The following CNTN5 variants were observed in gnomAD, a reference collection of about 807,000 sequenced individuals.
The protein encoded by CNTN5 is contactin 5.
In CNTN5, 77 loss-of-function variants were observed where a neutral mutation model predicts 129.1. That is an observed-to-expected ratio of 0.60 (90% CI 0.50 to 0.72). The LOEUF (loss-of-function observed/expected upper bound fraction) is 0.72, where lower values mean the gene tolerates loss of function less well. CNTN5 is among the 30% of genes least tolerant of loss of function. CNTN5 has a pLI of 0.00. For synonymous variants in CNTN5, 509 were observed against 465.6 expected, an observed-to-expected ratio of 1.09 and a Z score of -1.20; for missense variants, 1,478 against 1,328.8, an observed-to-expected ratio of 1.11 and a Z score of -1.75.
chr11:99,679,216 A>G (rs1482394974), intron 3 of CNTN5, among the ~76,000 whole-genome samples: 2 of 148,742 alleles, frequency 1.3e-5, no homozygotes, highest in Non-Finnish European at 3.0e-5. Flanking sequence ...ATATATAAAG[A>G]GATTATATGT....
intron 7 of CNTN5, among the ~76,000 whole-genome samples, chr11:99,953,283 G>C (rs757102264): frequency 5.3e-5 from 8 of 152,128 alleles, no homozygotes; most frequent in African/African-American, 9.7e-5. Flanking sequence ...TTTTAGGGGA[G>C]CAAAGAGAAG....
At position 99,443,571 on chromosome 11, in the gene CNTN5, T is replaced by G. The variant is rs1280056512; in HGVS notation, c.-70-112574T>G. Among the ~76,000 whole-genome samples, 4 of 152,196 alleles carry G rather than the reference T, an allele frequency of 2.6e-5. 1 individual carries two copies. Among genetic ancestry groups the G allele is most frequent in the Admixed American group, 1.3e-4 (2 of 15,280 alleles). ...TCATTTGTAAAAGGCTTCAAAATTA[T>G]GAATTCATAAATATTTAATAGCAAT... On this transcript the variant is annotated intron_variant, in intron 2 of 24. Transcript: ENST00000524871.
chr11:99,844,782 GA>G, intron 4 of CNTN5, 69 bp from the exon 5 acceptor site: 5 of 1,464,610 alleles, frequency 3.4e-6, no homozygotes, highest in Non-Finnish European at 4.6e-6. Context: ...AAGTAAGATG[GA>G]AAAGAAAAAA....
chr11:99,442,637 G>A (rs1943884133), intron 2 of CNTN5, among the ~76,000 whole-genome samples: 1 of 152,180 alleles, frequency 6.6e-6, no homozygotes. Flanking sequence ...GCATGAATAT[G>A]TCTGTGACTC....
chr11:99,458,370 T>A (rs1287748320), intron 2 of CNTN5, among the ~76,000 whole-genome samples: 1 of 151,948 alleles, frequency 6.6e-6, no homozygotes, highest in African/African-American at 2.4e-5. Context: ...CAAAAGTCAT[T>A]TTTAGTAATC....
At chr11:99,693,205 T>C (rs1351634363) in intron 3 of CNTN5, among the ~76,000 whole-genome samples, 1 of 152,174 alleles carries the variant, frequency 6.6e-6, no homozygotes, top group African/African-American at 2.4e-5. Context: ...TTTCAGTACC[T>C]GTGTGCACAG....
chr11:99,438,455 C>T (rs950578348), intron 2 of CNTN5, among the ~76,000 whole-genome samples: 1 of 152,140 alleles, frequency 6.6e-6, no homozygotes, highest in Non-Finnish European at 1.5e-5. Flanking sequence ...TGGTCTCTTA[C>T]ACAATTTTAG....
intron 3 of CNTN5, among the ~76,000 whole-genome samples, chr11:99,565,527 T>C (rs1161751275): frequency 6.6e-6 from 1 of 152,192 alleles, no homozygotes; most frequent in Non-Finnish European, 1.5e-5. Context: ...TGTTGCCATC[T>C]GCCCCAGAGC....
rs369047800 is a variant in CNTN5 at position 99,799,367 on chromosome 11, A to G, written c.56-20177A>G. Among the ~76,000 whole-genome samples, 30 of 151,914 alleles carry G rather than the reference A, an allele frequency of 2.0e-4. No homozygotes were observed. In the East Asian group the frequency reaches 3.3e-3, roughly 17 times the overall value. On this transcript the variant is annotated intron_variant, in intron 3 of 24. Coordinates refer to ENST00000524871, the MANE Select transcript of CNTN5 (RefSeq NM_014361.4). ...TGCTTCTAGTTTTTGGCTGTTCAGTATGGTGTTAGCTGTAGGTTTGTCATA... is the reference window on the plus strand; with the variant it reads ...TGCTTCTAGTTTTTGGCTGTTCAGTGTGGTGTTAGCTGTAGGTTTGTCATA...
intron 3 of CNTN5, among the ~76,000 whole-genome samples, chr11:99,624,468 G>A (rs1031338575): frequency 3.3e-5 from 5 of 152,090 alleles, no homozygotes; most frequent in Admixed American, 3.3e-4. Flanking sequence ...TAATGTTTGA[G>A]TTTCTAGGTA....
rs151075415 is a variant in CNTN5, at chr11:100,060,116, A to G, written c.981-1096A>G. On this transcript the variant is annotated intron_variant, in intron 9 of 24. Coordinates refer to ENST00000524871, the MANE Select transcript of CNTN5 (RefSeq NM_014361.4). ...TCCCAGCTACTTGGGAAACTGAGGC[A>G]GGAGAATTGCTTCCGAGAGGTGCAG... Among the ~76,000 whole-genome samples the G allele has an allele frequency of 8.1e-3, 1,234 of 151,990 alleles. 13 individuals are homozygous for G. Among genetic ancestry groups the G allele is most frequent in the African/African-American group, 0.025 (1,045 of 41,464 alleles).
intron 1 of CNTN5, among the ~76,000 whole-genome samples, chr11:99,246,020 A>G (rs1341216029): frequency 1.3e-5 from 2 of 152,176 alleles, no homozygotes; most frequent in Non-Finnish European, 2.9e-5. Context: ...AAGCAGTGAC[A>G]TGAACTTATG....
At chr11:100,112,317 C>A (rs186705928) in intron 13 of CNTN5, among the ~76,000 whole-genome samples, 122 of 152,178 alleles carry the variant, frequency 8.0e-4, no homozygotes, top group Non-Finnish European at 1.4e-3. Context: ...GCAAAAAGTT[C>A]TCTGTTATTT....
chr11:99,179,552 A>T (rs558865454), intron 1 of CNTN5, among the ~76,000 whole-genome samples: 9 of 152,224 alleles, frequency 5.9e-5, no homozygotes, highest in Non-Finnish European at 8.8e-5. Flanking sequence ...TAAAGAGTTA[A>T]TGTAATTTTA....
At chr11:99,317,450 G>T (rs1480512198) in intron 1 of CNTN5, among the ~76,000 whole-genome samples, 1 of 152,034 alleles carries the variant, frequency 6.6e-6, no homozygotes, top group East Asian at 1.9e-4. Context: ...AAATGAGAAA[G>T]GTCAGAAGAC....
intron 16 of CNTN5, among the ~76,000 whole-genome samples, chr11:100,242,554 C>G (rs1240925463): frequency 6.6e-6 from 1 of 152,132 alleles, no homozygotes; most frequent in African/African-American, 2.4e-5. Context: ...GAAGCAGGCA[C>G]ATCTTACATG....
intron 2 of CNTN5, among the ~76,000 whole-genome samples, chr11:99,479,266 CT>C (rs11372808): frequency 1.6e-4 from 24 of 147,794 alleles, no homozygotes; most frequent in East Asian, 7.9e-4. Context: ...GCCCTTCACA[CT>C]TTTTTTTTTA....
At chr11:100,318,842 T>A (rs144228231) in intron 21 of CNTN5, among the ~76,000 whole-genome samples, 195 of 152,210 alleles carry the variant, frequency 1.3e-3, no homozygotes, top group African/African-American at 4.5e-3. Context: ...GTTTACAAAA[T>A]CTATATTTAG....
At chr11:99,191,693 A>C (rs2135593542) in intron 1 of CNTN5, among the ~76,000 whole-genome samples, 1 of 152,012 alleles carries the variant, frequency 6.6e-6, no homozygotes, top group African/African-American at 2.4e-5. Flanking sequence ...CATCACAATT[A>C]AACAACATGT....
Sources: gnomAD v4.1 joint callset for allele counts (sites outside exome capture counted in the v4.1 genomes callset) on GRCh38, gnomAD v4.1.1 for gene constraint, MANE v1.5 for transcripts, NCBI Gene and HGNC (gene_info 2026-07-23, HGNC 2026-07-21) for gene names.